DIAPH2: variants seen among roughly 807,000 people sequenced by gnomAD.
DIAPH2 encodes protein diaphanous homolog 2.
In DIAPH2, 35 loss-of-function variants were observed where a neutral mutation model predicts 92.7. The observed-to-expected ratio is 0.38, with a 90% CI of 0.29 to 0.50. The LOEUF (loss-of-function observed/expected upper bound fraction) is 0.50. Among genes scored for constraint, DIAPH2 ranks in the 20% least tolerant of loss-of-function variants. The pLI, the probability that DIAPH2 is intolerant of heterozygous loss-of-function variation, is 0.94. For missense variants in DIAPH2, 701 were observed against 819.5 expected, an observed-to-expected ratio of 0.86 and a Z score of 1.77; for synonymous variants, 301 against 280.4, an observed-to-expected ratio of 1.07 and a Z score of -0.73.
intron 15 of DIAPH2, among the ~76,000 whole-genome samples, chrX:96,950,165 T>C (rs925769115): frequency 9.0e-6 from 1 of 111,533 alleles, no homozygotes; most frequent in African/African-American, 3.3e-5. Context: ...CTCCTTATTT[T>C]TTCATCCTCA....
At chrX:97,528,822 A>C (rs1028914335) in intron 26 of DIAPH2, 1 of 111,734 alleles carries the variant, frequency 8.9e-6, no homozygotes, top group African/African-American at 3.3e-5. Flanking sequence ...AGGTTGAGTC[A>C]GAGAAACATA....
rs865780092 is a variant in DIAPH2, at chrX:96,843,094, A to C, written c.448-38485A>C. On this transcript the variant is annotated intron_variant, in intron 4 of 26. Transcript: ENST00000324765. ...TGGTGGGATGTGATTGGATCATGGG[A>C]GCGTTTTTCTCATGAATGGTTTACC... Among the ~76,000 whole-genome samples the C allele has an allele frequency of 4.5e-4, 50 of 111,120 alleles. No individual in the cohort carries two copies. In the Middle Eastern group the frequency reaches 0.014, roughly 31 times the overall value.
At chrX:97,429,426 T>A (rs1488486082) in intron 25 of DIAPH2, among the ~76,000 whole-genome samples, 1 of 111,527 alleles carries the variant, frequency 9.0e-6, no homozygotes, top group Non-Finnish European at 1.9e-5. Flanking sequence ...AGACAAGGTC[T>A]TTAAGTTGAA....
chrX:96,717,497 C>CT (rs1368961671), intron 1 of DIAPH2, among the ~76,000 whole-genome samples: 4 of 105,010 alleles, frequency 3.8e-5, no homozygotes. Flanking sequence ...TAATTGACCC[C>CT]TTTGTCATTA....
chrX:96,694,821 G>A (rs1367368688), intron 1 of DIAPH2, among the ~76,000 whole-genome samples: 1 of 111,469 alleles, frequency 9.0e-6, no homozygotes, highest in African/African-American at 3.3e-5. Context: ...AAGAGTCAGT[G>A]TGTACATAAA....
chrX:97,119,594 G>A (rs1057055083), intron 21 of DIAPH2, among the ~76,000 whole-genome samples: 15 of 111,989 alleles, frequency 1.3e-4, no homozygotes, highest in Admixed American at 1.3e-3. Context: ...GGAACCGGCG[G>A]TGGGCAGGGC....
intron 3 of DIAPH2, among the ~76,000 whole-genome samples, chrX:96,747,292 C>T (rs187750167): frequency 3.7e-4 from 41 of 111,726 alleles, no homozygotes; most frequent in African/African-American, 1.2e-3. Flanking sequence ...GTTGCATTGG[C>T]AACATATAGA....
intron 23 of DIAPH2, among the ~76,000 whole-genome samples, chrX:97,292,486 T>A (rs1437330279): frequency 1.8e-5 from 2 of 111,538 alleles, no homozygotes; most frequent in African/African-American, 3.3e-5. Context: ...TTAAAAATTA[T>A]GTTACATGCA....
chrX:96,974,765 C>T (rs963761273), intron 17 of DIAPH2, among the ~76,000 whole-genome samples: 1 of 110,967 alleles, frequency 9.0e-6, no homozygotes, highest in Admixed American at 9.6e-5. Context: ...GGTAGTGTCA[C>T]TCTCCTTTAA....
intron 22 of DIAPH2, among the ~76,000 whole-genome samples, chrX:97,177,078 T>G (rs927108942): frequency 9.0e-6 from 1 of 111,315 alleles, no homozygotes; most frequent in Non-Finnish European, 1.9e-5. Context: ...TCCAATTTTT[T>G]TCCCAATATT....
At chrX:96,784,084 C>A (rs2064438165) in intron 4 of DIAPH2, among the ~76,000 whole-genome samples, 1 of 112,138 alleles carries the variant, frequency 8.9e-6, no homozygotes, top group Non-Finnish European at 1.9e-5. Context: ...CTTTTCCGAT[C>A]TTTAGGTAAG....
At chrX:96,745,827 A>G (rs1213572504) in intron 3 of DIAPH2, among the ~76,000 whole-genome samples, 3 of 112,269 alleles carry the variant, frequency 2.7e-5, no homozygotes, top group African/African-American at 6.5e-5. Flanking sequence ...TGCTTATTCA[A>G]TGATGCAATT....
chrX:97,530,811 AAAT>A (rs1351331557), intron 26 of DIAPH2, among the ~76,000 whole-genome samples: 1 of 112,048 alleles, frequency 8.9e-6, no homozygotes, highest in Non-Finnish European at 1.9e-5. Context: ...ATCCATTAAA[AAAT>A]AATAAAGAGG....
chrX:96,717,084 A>G (rs1373291901), intron 1 of DIAPH2, among the ~76,000 whole-genome samples: 1 of 111,548 alleles, frequency 9.0e-6, no homozygotes, highest in East Asian at 2.8e-4. Flanking sequence ...TTCTTCTTCT[A>G]CCGATCGTTT....
chrX:97,091,609 T>A (rs1368162343), intron 19 of DIAPH2, among the ~76,000 whole-genome samples: 1 of 111,655 alleles, frequency 9.0e-6, no homozygotes, highest in Non-Finnish European at 1.9e-5. Flanking sequence ...ACTGCTTTTG[T>A]TTCTCTAATT....
At chrX:97,487,647 G>A (rs2070698335) in intron 26 of DIAPH2, among the ~76,000 whole-genome samples, 1 of 111,937 alleles carries the variant, frequency 8.9e-6, no homozygotes, top group Non-Finnish European at 1.9e-5. Context: ...ATTTTTTGAG[G>A]AAGCTTCATA....
At chrX:96,837,332 CTGA>C (rs2064901893) in intron 4 of DIAPH2, among the ~76,000 whole-genome samples, 1 of 109,168 alleles carries the variant, frequency 9.2e-6, no homozygotes, top group African/African-American at 3.3e-5. Flanking sequence ...TATAAACTCG[CTGA>C]TAAGTGGCTT....
rs149644361 is a variant in DIAPH2, at chrX:96,934,864, C to T, written c.1090-2369C>T. ...GAAAATATTAGTTAAATCAGATAAG[C>T]GAAGGAAAAACATAGTAAGAAATGG... is the stretch of plus-strand genomic sequence containing the variant. On this transcript the variant is annotated intron_variant, in intron 10 of 26. Transcript: ENST00000324765. Among the ~76,000 whole-genome samples, 1,011 of 110,766 alleles carry T rather than the reference C, an allele frequency of 9.1e-3. 7 individuals carry two copies. Among genetic ancestry groups the T allele is most frequent in the Middle Eastern group, 0.033 (7 of 212 alleles).
In DIAPH2 at chrX:96,880,842, T is replaced by C. The variant is rs903594668; in HGVS notation, c.448-737T>C. ...CCCAGCCTTTTCCCTGAACTACTTA[T>C]ATAGTTATAGCAAGATGATGAAGTT... On this transcript the variant is annotated intron_variant, in intron 4 of 26. Transcript: ENST00000324765. 1.3e-4 allele frequency among the ~76,000 whole-genome samples: 14 copies of C among 111,653 alleles called. No individual in the cohort carries two copies. The Admixed American group carries it at 1.3e-3, about 11-fold the overall frequency.
Sources: gnomAD v4.1 joint callset for allele counts (sites outside exome capture counted in the v4.1 genomes callset) on GRCh38, gnomAD v4.1.1 for gene constraint, MANE v1.5 for transcripts, NCBI Gene and HGNC (gene_info 2026-07-23, HGNC 2026-07-21) for gene names.